The following ATP2B2 variants were observed in gnomAD, a reference collection of about 807,000 sequenced individuals.
ATP2B2 encodes the protein plasma membrane calcium-transporting ATPase 2.
In ATP2B2, 15 loss-of-function variants were observed where a neutral mutation model predicts 120.0. That is an observed-to-expected ratio of 0.12 (90% CI 0.08 to 0.19). ATP2B2 has a LOEUF of 0.19. Ranked by LOEUF, ATP2B2 falls within the 10% of genes least tolerant of loss-of-function variation. The probability of loss-of-function intolerance (pLI) is 1.00; values close to 1 mark genes in which losing one functional copy is unlikely to be tolerated. For synonymous variants in ATP2B2, 694 were observed against 700.3 expected, an observed-to-expected ratio of 0.99 and a Z score of 0.14; for missense variants, 1,045 against 1,719.8, an observed-to-expected ratio of 0.61 and a Z score of 6.94.
chr3:10,690,472 C>CTATA (rs1553650996), intron 1 of ATP2B2, among the ~76,000 whole-genome samples: 4 of 151,506 alleles, frequency 2.6e-5, no homozygotes, highest in South Asian at 4.2e-4. Context: ...ATCTATCTAT[C>CTATA]TATCTATATA....
chr3:10,468,038 A>T (rs2064824368), intron 1 of ATP2B2, among the ~76,000 whole-genome samples: 1 of 152,124 alleles, frequency 6.6e-6, no homozygotes, highest in Non-Finnish European at 1.5e-5. Context: ...TGACCTCGAC[A>T]CTCAATAGGC....
chr3:10,422,563 C>T (rs2063018485), intron 2 of ATP2B2, among the ~76,000 whole-genome samples: 1 of 152,142 alleles, frequency 6.6e-6, no homozygotes, highest in African/African-American at 2.4e-5. Context: ...TTTACCTGAT[C>T]CTCCCTGATA....
intron 1 of ATP2B2, among the ~76,000 whole-genome samples, chr3:10,495,075 G>T (rs1369780181): frequency 6.6e-6 from 1 of 152,200 alleles, no homozygotes; most frequent in Non-Finnish European, 1.5e-5. Context: ...AGGGAGGCAG[G>T]ATAAAGACCA....
chr3:10,446,019 C>T (rs1187763296), intron 2 of ATP2B2, among the ~76,000 whole-genome samples: 1 of 152,244 alleles, frequency 6.6e-6, no homozygotes, highest in African/African-American at 2.4e-5. Flanking sequence ...GGATTCTTCC[C>T]AGGTGGCCGT....
chr3:10,545,428 C>T (rs2067523693), intron 2 of ATP2B2, among the ~76,000 whole-genome samples: 1 of 151,920 alleles, frequency 6.6e-6, no homozygotes, highest in Non-Finnish European at 1.5e-5. Context: ...ACTTGGGAGG[C>T]TGCAGCGAGA....
rs370119384 is a variant in ATP2B2 at position 10,340,460 on chromosome 3, C to T, written c.3129+33G>A. The T allele has an allele frequency of 6.3e-5, 102 of 1,614,146 alleles. No individual in the cohort carries two copies. The African/African-American group carries it at 1.2e-3, about 20-fold the overall frequency. On this transcript the variant is annotated intron_variant, in intron 20 of 22. Transcript: ENST00000360273. This position sits in a 1 kb window ranked among gnomAD's most constrained non-coding sequence, Gnocchi z 5.0. Reference sequence around the variant, plus strand: ...AGGGGCTCCAGCCGCTTGCTGCCCACCCCGGGCCTGGTTAGGGTGGGGGCC... The same window carrying T: ...AGGGGCTCCAGCCGCTTGCTGCCCATCCCGGGCCTGGTTAGGGTGGGGGCC...
Position 10,339,860 on chromosome 3 carries a change from G to A in ATP2B2, c.3237+382C>T, listed in dbSNP as rs530994371. 2.1e-3 allele frequency among the ~76,000 whole-genome samples: 319 copies of A among 152,280 alleles called. 2 individuals carry two copies. Among genetic ancestry groups the A allele is most frequent in the African/African-American group, 6.9e-3 (288 of 41,550 alleles). On this transcript the variant is annotated intron_variant, in intron 21 of 22. Coordinates refer to ENST00000360273, the MANE Select transcript of ATP2B2 (RefSeq NM_001001331.4). Reference sequence around the variant, plus strand: ...CCCTGGCAGGCCATGGCTTCTAGCTGGAGTTTAATAATGTCATTCTCATTA... The same window carrying A: ...CCCTGGCAGGCCATGGCTTCTAGCTAGAGTTTAATAATGTCATTCTCATTA...
intron 1 of ATP2B2, among the ~76,000 whole-genome samples, chr3:10,658,314 C>T (rs2070691106): frequency 6.8e-6 from 1 of 147,566 alleles, no homozygotes; most frequent in African/African-American, 2.4e-5. Flanking sequence ...AGGAGAAGTT[C>T]GAACCCATCA....
chr3:10,569,248 T>C (rs2068073443), intron 2 of ATP2B2, among the ~76,000 whole-genome samples: 1 of 152,204 alleles, frequency 6.6e-6, no homozygotes, highest in Non-Finnish European at 1.5e-5. Flanking sequence ...ACCTACTGTA[T>C]TCAAGACACT....
chr3:10,545,942 TCA>T (rs1439238427), intron 2 of ATP2B2, among the ~76,000 whole-genome samples: 7 of 152,206 alleles, frequency 4.6e-5, no homozygotes, highest in Non-Finnish European at 8.8e-5. Flanking sequence ...GGGTCTCAAT[TCA>T]CACGATTCCA....
At chr3:10,657,755 C>A (rs1031803280) in intron 1 of ATP2B2, among the ~76,000 whole-genome samples, 74 of 152,350 alleles carry the variant, frequency 4.9e-4, no homozygotes, top group Admixed American at 1.3e-3. Context: ...AGTAGTGGTT[C>A]TCCCAGCACA....
At chr3:10,664,307 G>A (rs1172649416) in intron 1 of ATP2B2, among the ~76,000 whole-genome samples, 1 of 152,092 alleles carries the variant, frequency 6.6e-6, no homozygotes, top group Non-Finnish European at 1.5e-5. Context: ...GTGGTCAGCG[G>A]CTGAGAGGAT....
chr3:10,340,461 C>T lies in ATP2B2; in HGVS notation c.3129+32G>A, dbSNP rs1472607038. 1.9e-6 allele frequency: 3 copies of T among 1,614,002 alleles called. No homozygotes were observed. Among genetic ancestry groups the T allele is most frequent in the South Asian group, 1.1e-5 (1 of 91,082 alleles). ...GGGGCTCCAGCCGCTTGCTGCCCAC[C>T]CCGGGCCTGGTTAGGGTGGGGGCCT... On this transcript the variant is annotated intron_variant, in intron 20 of 22. Coordinates refer to ENST00000360273, the MANE Select transcript of ATP2B2 (RefSeq NM_001001331.4). The surrounding 1 kb of genome is among the most constrained non-coding windows in gnomAD (Gnocchi z 5.0).
chr3:10,609,143 C>T lies in ATP2B2; in HGVS notation c.-415+10774G>A, dbSNP rs141120192. Among the ~76,000 whole-genome samples, 20 of 152,372 alleles carry T rather than the reference C, an allele frequency of 1.3e-4. No homozygotes were observed. The East Asian group carries it at 3.7e-3, about 28-fold the overall frequency. ...GCCCTGGCACCAACAGCTCTATCAG[C>T]TCTGTCTCAGGACCCCGTGGCTCTA... is the stretch of plus-strand genomic sequence containing the variant. On this transcript the variant is annotated intron_variant, in intron 2 of 21. Transcript: ENST00000646379.
intron 1 of ATP2B2, among the ~76,000 whole-genome samples, chr3:10,700,704 G>C (rs1396751116): frequency 6.6e-6 from 1 of 152,234 alleles, no homozygotes. Context: ...AATGGACTGA[G>C]TTATGCTCAG....
intron 2 of ATP2B2, among the ~76,000 whole-genome samples, chr3:10,610,112 C>T (rs1229463810): frequency 6.9e-6 from 1 of 144,614 alleles, no homozygotes; most frequent in East Asian, 2.1e-4. Context: ...CATATATACA[C>T]ATATATGCAT....
rs1442310618 is a variant in ATP2B2 at position 10,342,101 on chromosome 3, G to A, written c.2917+651C>T. Among the ~76,000 whole-genome samples, 5 of 152,312 alleles carry A rather than the reference G, an allele frequency of 3.3e-5. No individual in the cohort carries two copies. Among genetic ancestry groups the A allele is most frequent in the Admixed American group, 1.3e-4 (2 of 15,306 alleles). The stretch of plus-strand genomic sequence containing the variant: ...GATAGGCTTTGTTGGGATTGCCTCC[G>A]AAGCATCTGTGGAAACCAGGCCAGT... On this transcript the variant is annotated intron_variant, in intron 19 of 22. Transcript: ENST00000360273. The surrounding 1 kb of genome is among the most constrained non-coding windows in gnomAD (Gnocchi z 4.4).
In ATP2B2 at chr3:10,426,242, T is replaced by C. The variant is rs552814083; in HGVS notation, c.200-15427A>G. ...TCCCTGAAAATCCCTTTCCTTTTAATCATTATTTTAATAATTATTAATGAA... is the reference window on the plus strand; with the variant it reads ...TCCCTGAAAATCCCTTTCCTTTTAACCATTATTTTAATAATTATTAATGAA... On this transcript the variant is annotated intron_variant, in intron 2 of 22. Transcript: ENST00000360273. Among the ~76,000 whole-genome samples the C allele has an allele frequency of 8.5e-5, 13 of 152,336 alleles. No homozygotes were observed. The East Asian group carries it at 1.7e-3, about 20-fold the overall frequency.
At chr3:10,643,705 G>T (rs1254180733) in intron 1 of ATP2B2, among the ~76,000 whole-genome samples, 2 of 152,158 alleles carry the variant, frequency 1.3e-5, no homozygotes, top group African/African-American at 2.4e-5. Flanking sequence ...AAAAATTTCA[G>T]TGTCATAAAA....
Sources: gnomAD v4.1 joint callset for allele counts (sites outside exome capture counted in the v4.1 genomes callset) on GRCh38, gnomAD v4.1.1 for gene constraint, Gnocchi (gnomAD v3.1) non-coding constraint, MANE v1.5 for transcripts, NCBI Gene and HGNC (gene_info 2026-07-23, HGNC 2026-07-21) for gene names.